Variants in RAPGEF4 observed in about 807,000 individuals in gnomAD.
RAPGEF4 encodes the protein RAP guanine-nucleotide-exchange factor (GEF) 4.
In RAPGEF4, 66 loss-of-function variants were observed where a neutral mutation model predicts 147.9. The observed-to-expected ratio is 0.45, with a 90% CI of 0.37 to 0.55. The LOEUF (loss-of-function observed/expected upper bound fraction) is 0.55, where lower values mean the gene tolerates loss of function less well. Ranked by LOEUF, RAPGEF4 falls within the 20% of genes least tolerant of loss-of-function variation. The probability of loss-of-function intolerance (pLI) is 0.00; values close to 1 mark genes in which losing one functional copy is unlikely to be tolerated. For synonymous variants in RAPGEF4, 419 were observed against 442.7 expected, an observed-to-expected ratio of 0.95 and a Z score of 0.67; for missense variants, 1,071 against 1,257.3, an observed-to-expected ratio of 0.85 and a Z score of 2.24.
At chr2:172,855,058 G>A in intron 4 of RAPGEF4, among the ~76,000 whole-genome samples, 1 of 152,136 alleles carries the variant, frequency 6.6e-6, no homozygotes, top group East Asian at 1.9e-4. Flanking sequence ...GATGCTGTCA[G>A]CTAGCTGTAC....
chr2:172,923,264 T>G (rs1295477735), intron 6 of RAPGEF4, among the ~76,000 whole-genome samples: 1 of 151,574 alleles, frequency 6.6e-6, no homozygotes, highest in Non-Finnish European at 1.5e-5. Context: ...GAGGTGGGGG[T>G]TGATTTTGGT....
At chr2:172,940,989 A>C (rs926725074) in intron 6 of RAPGEF4, among the ~76,000 whole-genome samples, 6 of 152,192 alleles carry the variant, frequency 3.9e-5, no homozygotes, top group African/African-American at 1.4e-4. Context: ...TGATGTTCTA[A>C]GAGGTATTTT....
At chr2:172,991,314 C>T (rs1398108958) in intron 15 of RAPGEF4, among the ~76,000 whole-genome samples, 6 of 152,234 alleles carry the variant, frequency 3.9e-5, no homozygotes, top group South Asian at 4.2e-4. Context: ...TGCAGGATTT[C>T]GCGTGAAGTG....
At chr2:173,046,710 GAT>G (rs762426018) in intron 29 of RAPGEF4, among the ~76,000 whole-genome samples, 1 of 152,170 alleles carries the variant, frequency 6.6e-6, no homozygotes, top group Non-Finnish European at 1.5e-5. Flanking sequence ...AGGGATTTGT[GAT>G]ATGTTTCTCA....
chr2:172,768,392 C>A (rs1333595199), intron 1 of RAPGEF4, among the ~76,000 whole-genome samples: 2 of 151,602 alleles, frequency 1.3e-5, no homozygotes, highest in African/African-American at 4.9e-5. Context: ...GAAAATGAAG[C>A]TATTTATAGT....
At chr2:172,996,282 T>A (rs766217343) in intron 15 of RAPGEF4, among the ~76,000 whole-genome samples, 184 bp from the exon 16 acceptor site, 162 of 152,226 alleles carry the variant, frequency 1.1e-3, no homozygotes, top group Non-Finnish European at 1.9e-3. Context: ...ACTTTGTGGG[T>A]TTTCTGTTTG....
intron 1 of RAPGEF4, among the ~76,000 whole-genome samples, chr2:172,741,696 C>T (rs927106286): frequency 2.0e-5 from 3 of 152,134 alleles, no homozygotes; most frequent in African/African-American, 7.2e-5. Flanking sequence ...TGTTTTTAGA[C>T]AGGGTCACTC....
chr2:172,855,342 CAA>C (rs1185217966), intron 4 of RAPGEF4, among the ~76,000 whole-genome samples: 1 of 152,122 alleles, frequency 6.6e-6, no homozygotes, highest in Non-Finnish European at 1.5e-5. Flanking sequence ...ATTGCCCTCC[CAA>C]TGCTTTATGT....
At chr2:173,030,112 T>A (rs557884317) in intron 25 of RAPGEF4, 52 bp from the exon 26 acceptor site, 20 of 1,270,636 alleles carry the variant, frequency 1.6e-5, no homozygotes, top group South Asian at 2.4e-5. Context: ...TAATTTTTTT[T>A]ATCTCACACA....
chr2:172,899,186 TG>T (rs1485463994), intron 4 of RAPGEF4, among the ~76,000 whole-genome samples: 3 of 152,240 alleles, frequency 2.0e-5, no homozygotes, highest in Non-Finnish European at 4.4e-5. Context: ...GTTTAGATTT[TG>T]TGTTGGCTGG....
intron 4 of RAPGEF4, among the ~76,000 whole-genome samples, chr2:172,852,034 A>C (rs1173650706): frequency 1.3e-5 from 2 of 152,228 alleles, no homozygotes; most frequent in Non-Finnish European, 2.9e-5. Context: ...TTTCATGGAT[A>C]TTTTGCCATG....
chr2:172,966,376 A>G (rs1277917183), intron 9 of RAPGEF4, among the ~76,000 whole-genome samples: 7 of 152,214 alleles, frequency 4.6e-5, no homozygotes, highest in Non-Finnish European at 8.8e-5. Context: ...ATGTGCATAC[A>G]TGTCACCTGG....
intron 4 of RAPGEF4, among the ~76,000 whole-genome samples, chr2:172,902,297 T>TTATG (rs986604278): frequency 6.6e-6 from 1 of 150,566 alleles, no homozygotes; most frequent in African/African-American, 2.4e-5. Flanking sequence ...TGGATCTTCT[T>TTATG]TATTTATTTA....
chr2:172,861,616 A>G (rs1477050039), intron 4 of RAPGEF4, among the ~76,000 whole-genome samples: 5 of 152,214 alleles, frequency 3.3e-5, no homozygotes, highest in Non-Finnish European at 7.3e-5. Context: ...GGTTCTATAC[A>G]CTATGTCTTC....
At chr2:172,750,137 C>G (rs1170477617) in intron 1 of RAPGEF4, among the ~76,000 whole-genome samples, 2 of 152,136 alleles carry the variant, frequency 1.3e-5, no homozygotes, top group Non-Finnish European at 2.9e-5. Context: ...ACTATTCCAA[C>G]TTCTGCCTGT....
At chr2:172,966,420 C>T (rs913600275) in intron 9 of RAPGEF4, among the ~76,000 whole-genome samples, 8 of 152,270 alleles carry the variant, frequency 5.3e-5, no homozygotes, top group Non-Finnish European at 1.2e-4. Flanking sequence ...TGATGTAGCT[C>T]GTCTGGAATG....
chr2:172,860,601 A>C (rs1179053621), intron 4 of RAPGEF4, among the ~76,000 whole-genome samples: 1 of 121,024 alleles, frequency 8.3e-6, no homozygotes, highest in Non-Finnish European at 1.7e-5. Flanking sequence ...TTTTACGGGG[A>C]AGTGAAGGGT....
At chr2:172,791,951 G>C (rs1215162016) in intron 1 of RAPGEF4, among the ~76,000 whole-genome samples, 1 of 152,234 alleles carries the variant, frequency 6.6e-6, no homozygotes, top group East Asian at 1.9e-4. Context: ...GTGGAAGATG[G>C]ATTCTAATCT....
intron 22 of RAPGEF4, among the ~76,000 whole-genome samples, 173 bp downstream of exon 22, chr2:173,018,975 A>G (rs1019350810): frequency 6.6e-6 from 1 of 152,176 alleles, no homozygotes; most frequent in Non-Finnish European, 1.5e-5. Flanking sequence ...TTGGGTTTCT[A>G]ATGTCCCCTA....
Sources: gnomAD v4.1 joint callset for allele counts (sites outside exome capture counted in the v4.1 genomes callset) on GRCh38, gnomAD v4.1.1 for gene constraint, MANE v1.5 for transcripts, NCBI Gene and HGNC (gene_info 2026-07-23, HGNC 2026-07-21) for gene names.